EIF4B: variants seen among roughly 807,000 people sequenced by gnomAD.
EIF4B encodes the protein eukaryotic translation initiation factor 4B.
Under a neutral mutation model 79.3 loss-of-function variants are expected in EIF4B, and 8 were observed. The observed-to-expected ratio is 0.10, with a 90% CI of 0.06 to 0.18. The LOEUF (loss-of-function observed/expected upper bound fraction) is 0.18. EIF4B is among the 10% of genes least tolerant of loss of function. The probability of loss-of-function intolerance (pLI) is 1.00; values close to 1 mark genes in which losing one functional copy is unlikely to be tolerated. For missense variants in EIF4B, 515 were observed against 792.4 expected (o/e 0.65, Z 4.20); for synonymous variants, 238 against 274.7 (o/e 0.87, Z 1.32).
Position 53,018,961 on chromosome 12 carries a change from T to C in EIF4B, c.315T>C (p.Tyr105=), listed in dbSNP as rs759424573. Residue 105 remains tyrosine (Y), a synonymous_variant, in exon 3 of 15, where the codon TAT becomes TAC. Transcript: ENST00000262056. ...CTGCTTTTCTAGGAAACCTACCCTA[T>C]GATGTTACAGAAGAGTCAATTAAGG... The part of the protein sequence containing the change: ...PYTAFLGNLP[Y]DVTEESIKEF... 2 of 1,613,768 alleles carry C rather than the reference T, an allele frequency of 1.2e-6. No homozygotes were observed. Among genetic ancestry groups the C allele is most frequent in the Middle Eastern group, 1.6e-4 (1 of 6,084 alleles).
At chr12:53,032,755 C>T (rs1943469105) in intron 8 of EIF4B, among the ~76,000 whole-genome samples, 1 of 151,100 alleles carries the variant, frequency 6.6e-6, no homozygotes, top group Non-Finnish European at 1.5e-5. Context: ...GCAACCTCCG[C>T]CTCCCCGGTG....
At chr12:53,027,596 T>A (rs1014150072) in intron 6 of EIF4B, among the ~76,000 whole-genome samples, 186 bp from the exon 7 acceptor site, 17 of 152,238 alleles carry the variant, frequency 1.1e-4, no homozygotes, top group African/African-American at 4.1e-4. Context: ...AGGGATTTTT[T>A]AATTTCCAAC....
At chr12:53,030,999 C>T (rs189369500) in intron 8 of EIF4B, among the ~76,000 whole-genome samples, 1 of 151,698 alleles carries the variant, frequency 6.6e-6, no homozygotes, top group Non-Finnish European at 1.5e-5. Flanking sequence ...TTGCTCTTAC[C>T]CCCCCATTCC....
chr12:53,040,153 C>A lies in EIF4B; in HGVS notation c.1766C>A (p.Ser589Tyr), dbSNP rs774533378. ...PEENPASKFS[S>Y]ASKYAALSVD... The stretch of plus-strand genomic sequence containing the variant: ...CTCGTTGTGTTACAGAAGTTCAGTT[C>A]TGCAAGCAAGTATGCTGCTCTCTCT... The change falls in exon 15 of 15, where the codon TCT (serine) becomes TAT (tyrosine). Residue 589 changes from serine to tyrosine, a missense_variant. Physicochemically the swap from Ser to Tyr is moderately radical, Grantham distance 144. This residue lies in a region of EIF4B where 60 missense variants were observed against 56.7 expected (regional missense o/e 1.06). Transcript: ENST00000262056. 1 of 1,614,178 alleles carries A rather than the reference C, an allele frequency of 6.2e-7. No homozygotes were observed. Among genetic ancestry groups the A allele is most frequent in the Non-Finnish European group, 8.5e-7 (1 of 1,180,026 alleles).
At chr12:53,022,926 G>A (rs1198756245) in intron 6 of EIF4B, among the ~76,000 whole-genome samples, 1 of 152,134 alleles carries the variant, frequency 6.6e-6, no homozygotes, top group Non-Finnish European at 1.5e-5. Context: ...CGCTTTGGGA[G>A]GTCAAGGCAG....
intron 1 of EIF4B, chr12:53,014,764 A>G (rs911013763): frequency 2.6e-5 from 4 of 152,224 alleles, no homozygotes; most frequent in South Asian, 4.1e-4. Flanking sequence ...TCAGGTGACA[A>G]TTGGAACATG....
chr12:53,034,064 G>C (rs558230772), intron 9 of EIF4B, 30 bp downstream of exon 9: 1 of 1,576,084 alleles, frequency 6.3e-7, no homozygotes, highest in South Asian at 1.2e-5. Context: ...ATCCCATCTA[G>C]GAATCCGGTG....
intron 8 of EIF4B, among the ~76,000 whole-genome samples, chr12:53,033,101 C>A (rs1943476163): frequency 6.6e-6 from 1 of 152,086 alleles, no homozygotes; most frequent in South Asian, 2.1e-4. Context: ...CTCACCACAA[C>A]CTCTGCCTCC....
chr12:53,035,488 C>T (rs1943525749), intron 10 of EIF4B, among the ~76,000 whole-genome samples: 1 of 151,920 alleles, frequency 6.6e-6, no homozygotes, highest in African/African-American at 2.4e-5. Context: ...CCTGCCTCAG[C>T]CTCCCGAGTA....
chr12:53,016,301 TA>T (rs1262739016), intron 1 of EIF4B, among the ~76,000 whole-genome samples, 171 bp from the exon 2 acceptor site: 1 of 152,242 alleles, frequency 6.6e-6, no homozygotes, highest in Admixed American at 6.5e-5. Context: ...CTGCAACTTT[TA>T]AATTTCTTAT....
At chr12:53,037,246 T>A (rs902739875) in intron 10 of EIF4B, among the ~76,000 whole-genome samples, 163 bp from the exon 11 acceptor site, 4 of 152,232 alleles carry the variant, frequency 2.6e-5, no homozygotes, top group African/African-American at 4.8e-5. Context: ...TGTGCATCAG[T>A]AAGACATTGT....
chr12:53,033,497 AACG>A (rs2120970594), intron 8 of EIF4B, among the ~76,000 whole-genome samples: 1 of 151,224 alleles, frequency 6.6e-6, no homozygotes, highest in South Asian at 2.1e-4. Context: ...TGCGCGCCCC[AACG>A]CCCAGCTAAT....
chr12:53,021,999 C>T (rs1943253123), intron 5 of EIF4B, 139 bp downstream of exon 5: 2 of 979,930 alleles, frequency 2.0e-6, no homozygotes, highest in Non-Finnish European at 3.1e-6. Flanking sequence ...TTTTGCCCCA[C>T]AGGGGACTTC....
chr12:53,015,978 CAAAAA>C (rs11315385), intron 1 of EIF4B, among the ~76,000 whole-genome samples: 3 of 124,410 alleles, frequency 2.4e-5, no homozygotes, highest in South Asian at 2.5e-4. Context: ...GACTCTGTCT[CAAAAA>C]AAAAAAAAAA....
chr12:53,022,325 C>T, intron 5 of EIF4B, 168 bp from the exon 6 acceptor site: 1 of 949,144 alleles, frequency 1.1e-6, no homozygotes, highest in Non-Finnish European at 1.7e-6. Flanking sequence ...AGGAAAAGAG[C>T]CACCTGGGGT....
intron 2 of EIF4B, among the ~76,000 whole-genome samples, chr12:53,018,423 A>G (rs981097344): frequency 4.6e-5 from 7 of 152,166 alleles, no homozygotes; most frequent in Non-Finnish European, 1.0e-4. Flanking sequence ...TCCTAGCTTT[A>G]CCGTCTGTGA....
At position 53,034,536 on chromosome 12, in the gene EIF4B, T is replaced by C. The variant is rs952023124; in HGVS notation, c.1209-76T>C. 4 of 1,372,054 alleles carry C rather than the reference T, an allele frequency of 2.9e-6. No individual in the cohort carries two copies. In the African/African-American group the frequency reaches 4.3e-5, roughly 15 times the overall value. The allele number at this position is 1,372,054 out of a possible 1,614,324, so 85.0% of individuals were successfully genotyped here. A position where few individuals can be genotyped will look rare whatever the true frequency, so the allele number is the denominator to read the frequency against. ...ATATAGATGAAGTAAGTGATGGTTCTTGAGGGGTCAGCATGGGTCTAAGGT... is the reference window on the plus strand; with the variant it reads ...ATATAGATGAAGTAAGTGATGGTTCCTGAGGGGTCAGCATGGGTCTAAGGT... On this transcript the variant is annotated intron_variant, in intron 9 of 14. Coordinates refer to ENST00000262056, the MANE Select transcript of EIF4B (RefSeq NM_001417.7).
chr12:53,033,602 A>T (rs574710364), intron 8 of EIF4B, among the ~76,000 whole-genome samples: 1 of 152,020 alleles, frequency 6.6e-6, no homozygotes, highest in Non-Finnish European at 1.5e-5. Flanking sequence ...CGGCCTCCCA[A>T]AGTGCTGGGA....
At position 53,034,606 on chromosome 12, in the gene EIF4B, G is replaced by T. The variant is rs760852021; in HGVS notation, c.1209-6G>T. The T allele has an allele frequency of 1.2e-6, 2 of 1,613,932 alleles. No individual in the cohort carries two copies. Among genetic ancestry groups the T allele is most frequent in the Middle Eastern group, 1.7e-4 (1 of 6,048 alleles). On this transcript the variant is annotated splice_polypyrimidine_tract_variant and splice_region_variant and intron_variant, in intron 9 of 14. Transcript: ENST00000262056. ...ATAATGTGTATTTTGTGAATCTCTC[G>T]TACAGACACCCAAGCTGGCGAAGTG...
Sources: allele counts gnomAD v4.1 joint callset (sites outside exome capture counted in the v4.1 genomes callset), GRCh38; gene constraint gnomAD v4.1.1; regional missense constraint gnomAD v4.1.1; transcripts MANE v1.5; gene names NCBI Gene and HGNC (gene_info 2026-07-23, HGNC 2026-07-21).